The following HIPK2 variants were observed in gnomAD, a reference collection of about 807,000 sequenced individuals.
The protein encoded by HIPK2 is homeodomain interacting protein kinase 2, also known as homeodomain-interacting protein kinase 2.
HIPK2 carries 27 observed loss-of-function variants against 113.7 expected under a neutral mutation model. That is an observed-to-expected ratio of 0.24 (90% CI 0.17 to 0.33). The LOEUF (loss-of-function observed/expected upper bound fraction) is 0.33. HIPK2 is among the 10% of genes least tolerant of loss of function. The probability of loss-of-function intolerance (pLI) is 1.00; values close to 1 mark genes in which losing one functional copy is unlikely to be tolerated. For synonymous variants in HIPK2, 631 were observed against 642.2 expected (o/e 0.98, Z 0.26); for missense variants, 1,257 against 1,588.0 (o/e 0.79, Z 3.54).
At chr7:139,604,967 CTTTGA>C (rs778833539) in intron 9 of HIPK2, among the ~76,000 whole-genome samples, 20 of 152,254 alleles carry the variant, frequency 1.3e-4, no homozygotes, top group Middle Eastern at 6.8e-3. Context: ...AACATTTTAC[CTTTGA>C]TTTATCAATT....
At chr7:139,623,027 G>C (rs1800290752) in intron 6 of HIPK2, among the ~76,000 whole-genome samples, 1 of 152,170 alleles carries the variant, frequency 6.6e-6, no homozygotes, top group South Asian at 2.1e-4. Context: ...ACGGCTAAGA[G>C]GACCTCTGTA....
intron 2 of HIPK2, among the ~76,000 whole-genome samples, chr7:139,669,442 A>G (rs1802181980): frequency 1.3e-5 from 2 of 152,236 alleles, no homozygotes; most frequent in African/African-American, 2.4e-5. Flanking sequence ...AAGATCTTAA[A>G]AAGTTGTCTT....
At chr7:139,737,798 G>A (rs1272733914) in intron 1 of HIPK2, among the ~76,000 whole-genome samples, 1 of 152,208 alleles carries the variant, frequency 6.6e-6, no homozygotes, top group Non-Finnish European at 1.5e-5. Flanking sequence ...AAGAAAAACA[G>A]TGCGGTTGCT....
intron 2 of HIPK2, among the ~76,000 whole-genome samples, chr7:139,647,487 T>A (rs1801278849): frequency 6.6e-6 from 1 of 152,210 alleles, no homozygotes; most frequent in African/African-American, 2.4e-5. Flanking sequence ...TTAGTTCTTC[T>A]CTGATAATAA....
chr7:139,653,283 A>G (rs1455189479), intron 2 of HIPK2, among the ~76,000 whole-genome samples: 2 of 152,036 alleles, frequency 1.3e-5, no homozygotes, highest in Admixed American at 1.3e-4. Flanking sequence ...CTCCTATGCC[A>G]TGGTGCTGAG....
intron 1 of HIPK2, among the ~76,000 whole-genome samples, chr7:139,769,249 G>A (rs746951239): frequency 6.6e-6 from 1 of 151,870 alleles, no homozygotes; most frequent in Non-Finnish European, 1.5e-5. Context: ...CTCCACGGCC[G>A]CAGTGCCTTC....
Position 139,563,889 on chromosome 7 carries a change from G to A in HIPK2, c.*9038C>T. 1 of 398,618 alleles carries A rather than the reference G, an allele frequency of 2.5e-6. No individual in the cohort carries two copies. Among genetic ancestry groups the A allele is most frequent in the Non-Finnish European group, 4.4e-6 (1 of 226,072 alleles). The allele number at this position is 398,618 out of a possible 1,614,324, so 24.7% of individuals were successfully genotyped here. On this transcript the variant is annotated 3_prime_UTR_variant, in exon 15 of 15. Coordinates refer to ENST00000406875, the MANE Select transcript of HIPK2 (RefSeq NM_022740.5). ...GGTCACAGCAGGTCCTCTGCAGTTT[G>A]GTGGTGGCACAAGAGAAAACATAAA...
At position 139,563,645 on chromosome 7, in the gene HIPK2, A is replaced by G. The variant is rs1229605173; in HGVS notation, c.*9282T>C. 1.0e-5 allele frequency: 4 copies of G among 395,992 alleles called. No individual in the cohort carries two copies. Among genetic ancestry groups the G allele is most frequent in the Non-Finnish European group, 1.8e-5 (4 of 225,106 alleles). 24.5% of individuals were successfully genotyped at this position (395,992 alleles called of 1,614,324 possible). A position where few individuals can be genotyped will look rare whatever the true frequency, so the allele number is the denominator to read the frequency against. On this transcript the variant is annotated 3_prime_UTR_variant, in exon 15 of 15. Transcript: ENST00000406875. ...TTCATGTAAAGGAAAAAACAGCAAC[A>G]CCACCACACAAACAGGAAAGTGGGA...
chr7:139,600,640 A>G, intron 10 of HIPK2, 44 bp from the exon 11 acceptor site: 1 of 1,588,668 alleles, frequency 6.3e-7, no homozygotes, highest in Admixed American at 1.7e-5. Context: ...AGGTGTTCTA[A>G]AAGTAGAGCT....
chr7:139,683,516 G>A lies in HIPK2; in HGVS notation c.1103+32416C>T, dbSNP rs560091422. 8.5e-5 allele frequency among the ~76,000 whole-genome samples: 13 copies of A among 152,058 alleles called. No homozygotes were observed. Among genetic ancestry groups the A allele is most frequent in the South Asian group, 4.2e-4 (2 of 4,818 alleles). Reference sequence around the variant, plus strand: ...AGAAATACCAGAGAGAGAGACACACGCATACCAAGACAGAAGCTGCAGAAC... The same window carrying A: ...AGAAATACCAGAGAGAGAGACACACACATACCAAGACAGAAGCTGCAGAAC... On this transcript the variant is annotated intron_variant, in intron 2 of 14. Transcript: ENST00000406875. This position sits in a 1 kb window ranked among gnomAD's most constrained non-coding sequence, Gnocchi z 4.2.
chr7:139,660,546 CCCATCGGT>C (rs1569467312), intron 2 of HIPK2, among the ~76,000 whole-genome samples: 1 of 152,194 alleles, frequency 6.6e-6, no homozygotes, highest in Non-Finnish European at 1.5e-5. Flanking sequence ...ACCCAAAGGC[CCCATCGGT>C]TGGGCTGTTA....
chr7:139,720,097 T>C (rs1194376892), intron 1 of HIPK2, among the ~76,000 whole-genome samples: 10 of 152,236 alleles, frequency 6.6e-5, no homozygotes, highest in African/African-American at 2.4e-4. Context: ...AGCTGGTCTA[T>C]TCGCTGTTTC....
intron 9 of HIPK2, among the ~76,000 whole-genome samples, chr7:139,608,334 A>G (rs1585270297): frequency 6.8e-6 from 1 of 146,376 alleles, no homozygotes; most frequent in East Asian, 1.9e-4. Context: ...TATAAAATAT[A>G]TATATAACAG....
At chr7:139,587,092 T>TTTGTG (rs1569446217) in intron 12 of HIPK2, among the ~76,000 whole-genome samples, 2 of 152,132 alleles carry the variant, frequency 1.3e-5, no homozygotes, top group African/African-American at 4.8e-5. Flanking sequence ...AATGGCAAAT[T>TTTGTG]TTATATTTTA....
chr7:139,644,268 C>T, intron 2 of HIPK2, among the ~76,000 whole-genome samples: 1 of 152,148 alleles, frequency 6.6e-6, no homozygotes, highest in East Asian at 1.9e-4. Context: ...AGTGTCACTA[C>T]CAGCCAGGTG....
rs1799978270 is a variant in HIPK2 at position 139,614,855 on chromosome 7, C to CAA, written c.1783-364_1783-363dup. On this transcript the variant is annotated intron_variant, in intron 7 of 14. Transcript: ENST00000406875. ...AAAATGTTCTGCCTTTTCATTTTGA[C>CAA]AAATACACCTTCCCAATAACCGGGA... 2.6e-5 allele frequency among the ~76,000 whole-genome samples: 4 copies of CAA among 152,354 alleles called. No individual in the cohort carries two copies. In the South Asian group the frequency reaches 8.3e-4, roughly 32 times the overall value.
intron 1 of HIPK2, among the ~76,000 whole-genome samples, chr7:139,734,696 G>T (rs543867506): frequency 1.3e-5 from 2 of 152,300 alleles, no homozygotes; most frequent in East Asian, 1.9e-4. Flanking sequence ...GTCAGCAATG[G>T]TTTTAAAAAT....
intron 9 of HIPK2, among the ~76,000 whole-genome samples, chr7:139,610,125 G>A (rs1382173389): frequency 6.6e-6 from 1 of 152,180 alleles, no homozygotes; most frequent in South Asian, 2.1e-4. Flanking sequence ...CCCCTGCTAC[G>A]ATTAAAGGAC....
intron 2 of HIPK2, among the ~76,000 whole-genome samples, chr7:139,634,252 T>G (rs1222122864): frequency 6.6e-6 from 1 of 152,082 alleles, no homozygotes; most frequent in East Asian, 1.9e-4. Context: ...GTGAGTTGCC[T>G]TGTTGCTATT....
Sources: gnomAD v4.1 joint callset for allele counts (sites outside exome capture counted in the v4.1 genomes callset) on GRCh38, gnomAD v4.1.1 for gene constraint, Gnocchi (gnomAD v3.1) non-coding constraint, MANE v1.5 for transcripts, NCBI Gene and HGNC (gene_info 2026-07-23, HGNC 2026-07-21) for gene names.